The following HDAC9 variants were observed in gnomAD, a reference collection of about 807,000 sequenced individuals.
HDAC9 encodes histone deacetylase 9, also known as MEF-2 interacting transcription repressor (MITR) protein.
In HDAC9, 41 loss-of-function variants were observed where a neutral mutation model predicts 139.4. The observed-to-expected ratio is 0.29, with a 90% CI of 0.23 to 0.38. The LOEUF is 0.38. Ranked by LOEUF, HDAC9 falls within the 10% of genes least tolerant of loss-of-function variation. The pLI, the probability that HDAC9 is intolerant of heterozygous loss-of-function variation, is 1.00. For missense variants in HDAC9, 1,147 were observed against 1,297.0 expected (o/e 0.88, Z 1.78); for synonymous variants, 517 against 476.2 (o/e 1.09, Z -1.12).
chr7:18,448,587 T>A (rs1255468293), intron 1 of HDAC9, among the ~76,000 whole-genome samples: 1 of 152,188 alleles, frequency 6.6e-6, no homozygotes, highest in African/African-American at 2.4e-5. Flanking sequence ...ACATTTGTAA[T>A]AATTTTTTTA....
At chr7:18,300,471 G>T (rs1798463010) in intron 1 of HDAC9, among the ~76,000 whole-genome samples, 1 of 151,558 alleles carries the variant, frequency 6.6e-6, no homozygotes, top group Non-Finnish European at 1.5e-5. Flanking sequence ...AAAGCAGGTT[G>T]TATAAGCCAC....
chr7:18,931,942 C>G (rs912685845), intron 22 of HDAC9, among the ~76,000 whole-genome samples: 1 of 152,092 alleles, frequency 6.6e-6, no homozygotes, highest in African/African-American at 2.4e-5. Context: ...ATGCATTTGT[C>G]AAAACCCACA....
intron 21 of HDAC9, among the ~76,000 whole-genome samples, chr7:18,846,981 A>G (rs963717905): frequency 6.6e-6 from 1 of 152,188 alleles, no homozygotes. Flanking sequence ...TCAAACCAGA[A>G]CTGAGCTAGG....
chr7:18,162,904 C>T (rs141001624), intron 2 of HDAC9, among the ~76,000 whole-genome samples: 14 of 152,274 alleles, frequency 9.2e-5, no homozygotes, highest in African/African-American at 3.4e-4. Context: ...CTGTGATCAG[C>T]ACAGCCAACA....
chr7:18,229,299 C>T (rs1793287237), intron 2 of HDAC9, among the ~76,000 whole-genome samples: 1 of 152,198 alleles, frequency 6.6e-6, no homozygotes, highest in South Asian at 2.1e-4. Context: ...GATCCATTTA[C>T]CCATCTAATT....
At chr7:18,235,397 T>C (rs997249027) in intron 2 of HDAC9, among the ~76,000 whole-genome samples, 1 of 152,120 alleles carries the variant, frequency 6.6e-6, no homozygotes, top group African/African-American at 2.4e-5. Context: ...TTTTGATTTG[T>C]AGCATTTGTT....
At chr7:18,895,289 T>G (rs958063965) in intron 22 of HDAC9, among the ~76,000 whole-genome samples, 8 of 152,160 alleles carry the variant, frequency 5.3e-5, no homozygotes, top group African/African-American at 1.9e-4. Flanking sequence ...GACAAGTGAT[T>G]ATCTGATGTA....
At chr7:18,775,560 T>C (rs1790691510) in intron 16 of HDAC9, among the ~76,000 whole-genome samples, 1 of 152,066 alleles carries the variant, frequency 6.6e-6, no homozygotes, top group South Asian at 2.1e-4. Flanking sequence ...CTTTCCTTAA[T>C]CTATTGCCTC....
At chr7:18,398,869 C>G (rs924933010) in intron 1 of HDAC9, among the ~76,000 whole-genome samples, 4 of 151,972 alleles carry the variant, frequency 2.6e-5, no homozygotes, top group African/African-American at 9.7e-5. Flanking sequence ...ATGCACCTTA[C>G]AAAAAGGCTC....
chr7:18,515,299 A>G (rs1802818892), intron 2 of HDAC9, among the ~76,000 whole-genome samples: 1 of 152,218 alleles, frequency 6.6e-6, no homozygotes, highest in Non-Finnish European at 1.5e-5. Flanking sequence ...ATTGCTGAAT[A>G]TAGTGTGCCT....
At chr7:18,426,605 A>G (rs1040290663) in intron 1 of HDAC9, among the ~76,000 whole-genome samples, 2 of 152,198 alleles carry the variant, frequency 1.3e-5, no homozygotes, top group South Asian at 2.1e-4. Context: ...GAAAATGACT[A>G]CCTCAGGCAT....
At chr7:18,816,974 C>G (rs555648540) in intron 17 of HDAC9, among the ~76,000 whole-genome samples, 151 of 151,806 alleles carry the variant, frequency 9.9e-4, no homozygotes, top group African/African-American at 3.1e-3. Flanking sequence ...TCAACTTTAC[C>G]CGAATAAAAG....
At chr7:18,526,245 T>C (rs1459766538) in intron 2 of HDAC9, among the ~76,000 whole-genome samples, 4 of 152,298 alleles carry the variant, frequency 2.6e-5, no homozygotes, top group African/African-American at 9.6e-5. Flanking sequence ...TCTTGTGTCT[T>C]AAATCATCTT....
At chr7:18,431,015 TTGTCCTGTCCTGTCCTGTCCTGTCC>T (rs10587067) in intron 1 of HDAC9, among the ~76,000 whole-genome samples, 66 of 148,314 alleles carry the variant, frequency 4.5e-4, no homozygotes, top group African/African-American at 1.6e-3. Flanking sequence ...TTATCCTATC[TTGTCCTGTCCTGTCCTGTCCTGTCC>T]TGTCCTGTCC....
chr7:18,291,620 C>G (rs1175616233), intron 1 of HDAC9, among the ~76,000 whole-genome samples: 1 of 152,048 alleles, frequency 6.6e-6, no homozygotes, highest in Non-Finnish European at 1.5e-5. Flanking sequence ...ATTGGGCTGT[C>G]TTCTGACCAT....
intron 2 of HDAC9, chr7:18,509,427 AGT>A (rs1800780329): frequency 3.0e-6 from 3 of 985,478 alleles, no homozygotes; most frequent in Non-Finnish European, 3.6e-6. Context: ...GTGGATTCAC[AGT>A]GTAGCTTGAG....
intron 2 of HDAC9, among the ~76,000 whole-genome samples, chr7:18,558,365 A>G (rs1012712579): frequency 2.0e-5 from 3 of 152,204 alleles, no homozygotes; most frequent in African/African-American, 7.2e-5. Context: ...GTAAGAGGAA[A>G]TAAAAATGCT....
In HDAC9 at chr7:18,260,096, T is replaced by A. The variant is rs149555780; in HGVS notation, c.25+97747T>A. Reference sequence around the variant, plus strand: ...AGAAGATGGTCATTAAGTATTTAAATGAAGAATGAATGATGATCACTACAA... The same window carrying A: ...AGAAGATGGTCATTAAGTATTTAAAAGAAGAATGAATGATGATCACTACAA... On this transcript the variant is annotated intron_variant, in intron 2 of 12. Coordinates refer to the HDAC9 transcript ENST00000417496. Among the ~76,000 whole-genome samples, 442 of 152,302 alleles carry A rather than the reference T, an allele frequency of 2.9e-3. 2 individuals are homozygous for A. The highest frequency in any genetic ancestry group is 9.8e-3 in the African/African-American group (409 of 41,560).
chr7:18,815,826 C>G (rs556591631), intron 17 of HDAC9, among the ~76,000 whole-genome samples: 1 of 152,322 alleles, frequency 6.6e-6, no homozygotes, highest in Non-Finnish European at 1.5e-5. Context: ...CCATATGTCC[C>G]TTATTGTTTT....
Sources: gnomAD v4.1 joint callset for allele counts (sites outside exome capture counted in the v4.1 genomes callset) on GRCh38, gnomAD v4.1.1 for gene constraint, MANE v1.5 for transcripts, NCBI Gene and HGNC (gene_info 2026-07-23, HGNC 2026-07-21) for gene names.